Variants in ARL15 observed in about 807,000 individuals in gnomAD.
ARL15 encodes ARF like GTPase 15, also known as ADP-ribosylation factor-like protein 15.
In ARL15, 19 loss-of-function variants were observed where a neutral mutation model predicts 25.2. That is an observed-to-expected ratio of 0.75 (90% CI 0.53 to 1.10). The LOEUF is 1.10. Among genes scored for constraint, ARL15 ranks in the 50% least tolerant of loss-of-function variants. ARL15 has a pLI of 0.00. For missense variants in ARL15, 220 were observed against 246.0 expected (o/e 0.89, Z 0.71); for synonymous variants, 94 against 86.8 (o/e 1.08, Z -0.46).
intron 4 of ARL15, among the ~76,000 whole-genome samples, chr5:53,931,308 G>A (rs1040040106): frequency 6.6e-6 from 1 of 152,134 alleles, no homozygotes; most frequent in Non-Finnish European, 1.5e-5. Context: ...TCTAAATGAT[G>A]TTCTTACCAC....
chr5:53,891,527 C>T lies in ARL15; in HGVS notation c.463-4814G>A, dbSNP rs147852447. Among the ~76,000 whole-genome samples, 48 of 152,264 alleles carry T rather than the reference C, an allele frequency of 3.2e-4. No individual in the cohort carries two copies. In the East Asian group the frequency reaches 3.5e-3, roughly 11 times the overall value. On this transcript the variant is annotated intron_variant, in intron 4 of 4. Transcript: ENST00000504924. The stretch of plus-strand genomic sequence containing the variant: ...AACACATTCCCTGGGTGGTCCTGCC[C>T]GTTGGGAACTGCTGCTCTTGCCATG...
intron 4 of ARL15, among the ~76,000 whole-genome samples, chr5:54,034,752 G>A (rs1175115950): frequency 6.6e-6 from 1 of 152,010 alleles, no homozygotes; most frequent in Admixed American, 6.6e-5. Flanking sequence ...TCAACCTCCT[G>A]GGCTCAAGCA....
chr5:54,202,120 T>C (rs1755741511), intron 1 of ARL15, among the ~76,000 whole-genome samples: 1 of 152,164 alleles, frequency 6.6e-6, no homozygotes, highest in Admixed American at 6.6e-5. Context: ...TTAACTTATT[T>C]CTTAGGCAAG....
At chr5:54,014,934 C>G (rs1367643458) in intron 4 of ARL15, among the ~76,000 whole-genome samples, 1 of 152,020 alleles carries the variant, frequency 6.6e-6, no homozygotes, top group Non-Finnish European at 1.5e-5. Context: ...ATTGATTTAT[C>G]AGTGAACCTT....
chr5:54,078,593 T>C (rs1479406098), intron 4 of ARL15, among the ~76,000 whole-genome samples: 1 of 152,242 alleles, frequency 6.6e-6, no homozygotes, highest in Non-Finnish European at 1.5e-5. Flanking sequence ...CCTTACTTCA[T>C]GGGATGGCAT....
At position 54,039,639 on chromosome 5, in the gene ARL15, A is replaced by G. The variant is rs1750272146; in HGVS notation, c.462+73563T>C. ...AACATGGTGAAACCCCTTCTCTACT[A>G]AAAAACTACAAAAATTAGATGGGCT... On this transcript the variant is annotated intron_variant, in intron 4 of 4. Coordinates refer to ENST00000504924, the MANE Select transcript of ARL15 (RefSeq NM_019087.3). Among the ~76,000 whole-genome samples the G allele has an allele frequency of 2.6e-5, 4 of 151,956 alleles. No homozygotes were observed. In the South Asian group the frequency reaches 8.3e-4, roughly 32 times the overall value.
At chr5:54,040,037 C>A (rs761978899) in intron 4 of ARL15, among the ~76,000 whole-genome samples, 13 of 152,174 alleles carry the variant, frequency 8.5e-5, no homozygotes, top group African/African-American at 3.1e-4. Context: ...ACATTTGACT[C>A]ATTTGACAAG....
intron 4 of ARL15, among the ~76,000 whole-genome samples, chr5:54,015,773 G>A (rs1023017730): frequency 6.6e-6 from 1 of 152,108 alleles, no homozygotes; most frequent in East Asian, 1.9e-4. Context: ...GACTGTGAGA[G>A]ACCAGAATGT....
intron 4 of ARL15, among the ~76,000 whole-genome samples, chr5:54,066,840 T>C (rs1478566201): frequency 1.3e-5 from 2 of 152,072 alleles, no homozygotes; most frequent in Non-Finnish European, 2.9e-5. Flanking sequence ...TTAAAAAATA[T>C]AAAAAAATTA....
At chr5:54,043,609 C>T (rs1368328456) in intron 4 of ARL15, among the ~76,000 whole-genome samples, 1 of 152,096 alleles carries the variant, frequency 6.6e-6, no homozygotes, top group Non-Finnish European at 1.5e-5. Context: ...ATTAGATTTG[C>T]CTCTCCAAAT....
At chr5:54,029,030 A>G (rs572470708) in intron 4 of ARL15, among the ~76,000 whole-genome samples, 94 of 151,830 alleles carry the variant, frequency 6.2e-4, no homozygotes, top group African/African-American at 2.2e-3. Flanking sequence ...CTCTGTCTAA[A>G]AAAAAAAAAA....
In ARL15 at chr5:53,944,380, G is replaced by A. The variant is rs553994157; in HGVS notation, c.463-57667C>T. Among the ~76,000 whole-genome samples, 18 of 152,254 alleles carry A rather than the reference G, an allele frequency of 1.2e-4. No homozygotes were observed. In the South Asian group the frequency reaches 3.3e-3, roughly 28 times the overall value. ...AATCCCAGCACTTTGGGAGGCCGAG[G>A]CAGGAGGATCGTTTGAGCCCAGGAG... On this transcript the variant is annotated intron_variant, in intron 4 of 4. Coordinates refer to ENST00000504924, the MANE Select transcript of ARL15 (RefSeq NM_019087.3).
intron 4 of ARL15, among the ~76,000 whole-genome samples, chr5:53,905,301 A>G (rs1437455972): frequency 2.0e-5 from 3 of 152,024 alleles, no homozygotes; most frequent in Non-Finnish European, 4.4e-5. Context: ...AAATTAAAAT[A>G]CTCAAACCCA....
intron 4 of ARL15, among the ~76,000 whole-genome samples, chr5:53,889,834 C>CA (rs1195305261): frequency 7.3e-6 from 1 of 137,046 alleles, no homozygotes; most frequent in Admixed American, 7.8e-5. Context: ...TTTTCCGAGA[C>CA]AGAGTTTTGC....
chr5:54,169,791 A>C (rs1399002143), intron 2 of ARL15, among the ~76,000 whole-genome samples: 1 of 152,124 alleles, frequency 6.6e-6, no homozygotes, highest in East Asian at 1.9e-4. Flanking sequence ...GAGAGGAGGG[A>C]GTACTCAGTT....
At position 54,310,252 on chromosome 5, in the gene ARL15, C is replaced by T. The variant is rs116401665; in HGVS notation, c.48+180G>A. ...CTTTACCTGTCAGCTCCACCACCCA[C>T]CCGCCCTGGAGGCTGCCCCTCCGAG... is the stretch of plus-strand genomic sequence containing the variant. On this transcript the variant is annotated intron_variant, in intron 1 of 4. Transcript: ENST00000504924. The T allele has an allele frequency of 6.8e-4, 443 of 648,680 alleles. 3 individuals are homozygous for T. In the African/African-American group the frequency reaches 7.3e-3, roughly 11 times the overall value. The allele number at this position is 648,680 out of a possible 1,614,324, so 40.2% of individuals were successfully genotyped here. A position where few individuals can be genotyped will look rare whatever the true frequency, so the allele number is the denominator to read the frequency against.
intron 1 of ARL15, among the ~76,000 whole-genome samples, chr5:54,279,783 T>C (rs1439738025): frequency 6.6e-6 from 1 of 152,184 alleles, no homozygotes; most frequent in African/African-American, 2.4e-5. Context: ...CAAAGAGGAA[T>C]ACATACAATT....
intron 1 of ARL15, among the ~76,000 whole-genome samples, chr5:54,246,615 C>T (rs1028044390): frequency 1.3e-5 from 2 of 152,148 alleles, no homozygotes; most frequent in African/African-American, 4.8e-5. Flanking sequence ...ACTCAACACA[C>T]ATGATACACA....
intron 4 of ARL15, among the ~76,000 whole-genome samples, chr5:53,910,770 C>G (rs1745437804): frequency 6.6e-6 from 1 of 150,390 alleles, no homozygotes; most frequent in Non-Finnish European, 1.5e-5. Flanking sequence ...GAATATGTCA[C>G]AGATCATGAT....
Sources: gnomAD v4.1 joint callset for allele counts (sites outside exome capture counted in the v4.1 genomes callset) on GRCh38, gnomAD v4.1.1 for gene constraint, MANE v1.5 for transcripts, NCBI Gene and HGNC (gene_info 2026-07-23, HGNC 2026-07-21) for gene names.